UBR3: variants seen among roughly 807,000 people sequenced by gnomAD.
UBR3 encodes ubiquitin protein ligase E3 component n-recognin 3.
A neutral mutation model predicts 243.2 loss-of-function variants in UBR3; 85 were observed. That is an observed-to-expected ratio of 0.35 (90% CI 0.29 to 0.42). The LOEUF is 0.42. Among genes scored for constraint, UBR3 ranks in the 10% least tolerant of loss-of-function variants. UBR3 has a pLI of 1.00. For synonymous variants in UBR3, 748 were observed against 799.8 expected, an observed-to-expected ratio of 0.94 and a Z score of 1.09; for missense variants, 1,686 against 2,300.8, an observed-to-expected ratio of 0.73 and a Z score of 5.47.
chr2:169,960,852 A>G (rs2087537845), intron 24 of UBR3, among the ~76,000 whole-genome samples: 4 of 152,098 alleles, frequency 2.6e-5, no homozygotes, highest in Admixed American at 2.0e-4. Flanking sequence ...TGAGTACAAG[A>G]CTAGATAATG....
At chr2:169,978,456 C>T (rs1046707785) in intron 24 of UBR3, among the ~76,000 whole-genome samples, 6 of 152,100 alleles carry the variant, frequency 3.9e-5, no homozygotes, top group East Asian at 1.9e-4. Context: ...TTGTTTACCC[C>T]GGGGGAACAG....
chr2:170,029,011 T>G (rs2090603574), intron 30 of UBR3, among the ~76,000 whole-genome samples: 1 of 151,916 alleles, frequency 6.6e-6, no homozygotes, highest in South Asian at 2.1e-4. Context: ...TAGTAAAGTT[T>G]GGTTAGGAAG....
chr2:169,917,922 C>CG (rs1292575286), intron 11 of UBR3, among the ~76,000 whole-genome samples: 6 of 152,098 alleles, frequency 3.9e-5, no homozygotes, highest in African/African-American at 1.2e-4. Context: ...AGGCTGGTCT[C>CG]GAACTTTTGA....
chr2:169,890,563 A>ATATATATG (rs1255881148), intron 5 of UBR3, among the ~76,000 whole-genome samples: 10 of 83,872 alleles, frequency 1.2e-4, no homozygotes, highest in East Asian at 6.0e-4. Context: ...ATATATATAT[A>ATATATATG]TGTGTATATA....
At chr2:169,874,964 G>T (rs974451157) in intron 2 of UBR3, among the ~76,000 whole-genome samples, 1 of 148,666 alleles carries the variant, frequency 6.7e-6, no homozygotes. Context: ...TATATTTTTC[G>T]TCTTTAATAT....
chr2:170,001,530 A>G (rs1285620791), intron 27 of UBR3, 116 bp downstream of exon 27: 1 of 639,520 alleles, frequency 1.6e-6, no homozygotes, highest in Middle Eastern at 4.3e-4. Context: ...TGATCATCGT[A>G]TAAACTATCC....
At chr2:170,001,201 TA>T in intron 26 of UBR3, 102 bp from the exon 27 acceptor site, 1 of 784,564 alleles carries the variant, frequency 1.3e-6, no homozygotes, top group Non-Finnish European at 2.0e-6. Flanking sequence ...CACATTAATA[TA>T]AAAATAGGAA....
At chr2:169,920,030 A>G (rs1378464540) in intron 11 of UBR3, among the ~76,000 whole-genome samples, 1 of 152,190 alleles carries the variant, frequency 6.6e-6, no homozygotes, top group Admixed American at 6.5e-5. Context: ...TAGCGGCACT[A>G]TTCACAATAG....
At chr2:169,846,687 G>C (rs951389166) in intron 1 of UBR3, among the ~76,000 whole-genome samples, 1 of 148,660 alleles carries the variant, frequency 6.7e-6, no homozygotes, top group African/African-American at 2.5e-5. Context: ...TCTAGCCTGG[G>C]CAACAGGGCA....
rs2084311229 is a variant in UBR3 at position 169,890,555 on chromosome 2, A to ATATATGTGTGTATATATATATG, written c.1039-605_1039-604insGTGTGTATATATATATGTATAT. Reference sequence around the variant, plus strand: ...GAGAGAGAGAGATATATATATATATATATATATATGTGTATATATATATAT... The same window carrying ATATATGTGTGTATATATATATG: ...GAGAGAGAGAGATATATATATATATATATATGTGTGTATATATATATGTATATATATGTGTATATATATATAT... On this transcript the variant is annotated intron_variant, in intron 5 of 38. Transcript: ENST00000272793. Among the ~76,000 whole-genome samples the ATATATGTGTGTATATATATATG allele has an allele frequency of 4.6e-4, 33 of 71,422 alleles. 1 individual carries two copies. The South Asian group carries it at 6.8e-3, about 15-fold the overall frequency. 46.9% of individuals were successfully genotyped at this position (71,422 alleles called of 152,430 possible).
At chr2:169,992,197 C>T (rs2089305015) in intron 25 of UBR3, among the ~76,000 whole-genome samples, 1 of 152,022 alleles carries the variant, frequency 6.6e-6, no homozygotes, top group East Asian at 1.9e-4. Context: ...ATACAAACTA[C>T]CAAATGGACC....
intron 11 of UBR3, among the ~76,000 whole-genome samples, 160 bp downstream of exon 11, chr2:169,914,306 G>A (rs907627837): frequency 1.3e-5 from 2 of 152,106 alleles, no homozygotes; most frequent in African/African-American, 4.8e-5. Context: ...AAATCTAAAG[G>A]GGAGACTAGT....
Position 169,914,154 on chromosome 2 carries a change from T to C in UBR3, c.1866+8T>C, listed in dbSNP as rs1179099541. ...ATTAACTTCGTAGACGAGGTATGTA[T>C]ATTTTTGATGTATGTAAATTTTTTG... On this transcript the variant is annotated splice_region_variant and intron_variant, in intron 11 of 38. Transcript: ENST00000272793. The C allele has an allele frequency of 2.7e-6, 4 of 1,468,518 alleles. No homozygotes were observed. The Admixed American group carries it at 1.0e-4, about 37-fold the overall frequency. 91.0% of individuals were successfully genotyped at this position (1,468,518 alleles called of 1,614,324 possible).
Position 169,990,743 on chromosome 2 carries a change from A to ACACACACACACACG in UBR3, c.3785-3574_3785-3573insCACACACGCACACA, listed in dbSNP as rs1283427385. ...CACACACACACACACACACACACAC[A>ACACACACACACACG]CACACATAAAAGAAAAGAGAAGGGA... On this transcript the variant is annotated intron_variant, in intron 25 of 38. Coordinates refer to ENST00000272793, the MANE Select transcript of UBR3 (RefSeq NM_172070.4). 1.2e-3 allele frequency among the ~76,000 whole-genome samples: 184 copies of ACACACACACACACG among 148,566 alleles called. 12 individuals are homozygous for ACACACACACACACG. The highest frequency in any genetic ancestry group is 2.1e-3 in the African/African-American group (85 of 40,348).
In UBR3 at chr2:170,064,296, T is replaced by C. The variant is rs141222291; in HGVS notation, c.5019+2853T>C. ...GGAATAGAAATTTTTCAGTTTAATGTTGTTAGAACGATTACCTTTTTCTTT... is the reference window on the plus strand; with the variant it reads ...GGAATAGAAATTTTTCAGTTTAATGCTGTTAGAACGATTACCTTTTTCTTT... On this transcript the variant is annotated intron_variant, in intron 35 of 38. Coordinates refer to ENST00000272793, the MANE Select transcript of UBR3 (RefSeq NM_172070.4). Among the ~76,000 whole-genome samples, 162 of 152,300 alleles carry C rather than the reference T, an allele frequency of 1.1e-3. 5 individuals are homozygous for C. In the East Asian group the frequency reaches 0.019, roughly 18 times the overall value.
chr2:169,966,683 T>A (rs2087824243), intron 24 of UBR3, among the ~76,000 whole-genome samples: 1 of 152,204 alleles, frequency 6.6e-6, no homozygotes, highest in Non-Finnish European at 1.5e-5. Context: ...ACTTAACTTC[T>A]CTCTACCTCG....
intron 13 of UBR3, among the ~76,000 whole-genome samples, chr2:169,924,533 A>G (rs1357665067): frequency 1.3e-5 from 2 of 152,130 alleles, no homozygotes; most frequent in South Asian, 2.1e-4. Context: ...CAGTTTCCCT[A>G]TCTGTATAGT....
chr2:169,997,278 C>T (rs960692742), intron 26 of UBR3, among the ~76,000 whole-genome samples: 24 of 152,278 alleles, frequency 1.6e-4, no homozygotes, highest in African/African-American at 4.1e-4. Context: ...TGGCAGGCTG[C>T]GCTCAACTCG....
chr2:169,872,221 T>C lies in UBR3; in HGVS notation c.546-15T>C, dbSNP rs759828083. 11 of 1,485,980 alleles carry C rather than the reference T, an allele frequency of 7.4e-6. No individual in the cohort carries two copies. The South Asian group carries it at 1.4e-4, about 19-fold the overall frequency. 92.0% of individuals were successfully genotyped at this position (1,485,980 alleles called of 1,614,324 possible). A position where few individuals can be genotyped will look rare whatever the true frequency, so the allele number is the denominator to read the frequency against. ...TTAGACATTACTGTTAATTTTTTTC[T>C]TTTTCATATTACAGGTTTTGCAAAA... On this transcript the variant is annotated splice_polypyrimidine_tract_variant and intron_variant, in intron 1 of 38. Transcript: ENST00000272793.
Sources: allele counts gnomAD v4.1 joint callset (sites outside exome capture counted in the v4.1 genomes callset), GRCh38; gene constraint gnomAD v4.1.1; transcripts MANE v1.5; gene names NCBI Gene and HGNC (gene_info 2026-07-23, HGNC 2026-07-21).